The following KLF12 variants were observed in gnomAD, a reference collection of about 807,000 sequenced individuals.
KLF12 encodes the protein Krueppel-like factor 12.
A neutral mutation model predicts 37.8 loss-of-function variants in KLF12; 9 were observed. That is an observed-to-expected ratio of 0.24 (90% CI 0.14 to 0.42). The LOEUF is 0.42. Among genes scored for constraint, KLF12 ranks in the 10% least tolerant of loss-of-function variants. The pLI is 1.00. For synonymous variants in KLF12, 208 were observed against 202.1 expected (o/e 1.03, Z -0.25); for missense variants, 411 against 516.0 (o/e 0.80, Z 1.97).
the KLF12 span, among the ~76,000 whole-genome samples, chr13:74,179,143 G>T: frequency 6.6e-6 from 1 of 152,258 alleles, no homozygotes; most frequent in South Asian, 2.1e-4. Flanking sequence ...TACTGCTCAG[G>T]CTCCTCCTGC....
chr13:74,108,805 TG>T (rs1389465387), intron 1 of KLF12, among the ~76,000 whole-genome samples: 1 of 152,130 alleles, frequency 6.6e-6, no homozygotes, highest in Non-Finnish European at 1.5e-5. Context: ...GCCTTCAAAC[TG>T]AGTAGGCTAA....
the KLF12 span, among the ~76,000 whole-genome samples, chr13:74,237,457 A>T: frequency 7.3e-6 from 1 of 137,558 alleles, no homozygotes; most frequent in Non-Finnish European, 1.5e-5. Flanking sequence ...ACTTTAAAGT[A>T]GTTTTTGCCA....
intron 6 of KLF12, among the ~76,000 whole-genome samples, chr13:73,744,432 C>T (rs1273438642): frequency 6.9e-6 from 1 of 143,908 alleles, no homozygotes; most frequent in South Asian, 2.2e-4. Context: ...TGTAGGTCTC[C>T]TGCAGGAGGG....
At chr13:73,781,835 C>G (rs1277184107) in intron 5 of KLF12, among the ~76,000 whole-genome samples, 4 of 151,436 alleles carry the variant, frequency 2.6e-5, no homozygotes, top group Non-Finnish European at 4.4e-5. Context: ...AGAAATGCCA[C>G]AATTAAAAAA....
At chr13:73,733,962 T>TCAC (rs1877256364) in intron 6 of KLF12, among the ~76,000 whole-genome samples, 2 of 152,330 alleles carry the variant, frequency 1.3e-5, no homozygotes, top group Admixed American at 1.3e-4. Context: ...GTCTTTATCA[T>TCAC]CACCTATAAG....
At position 73,814,565 on chromosome 13, in the gene KLF12, T is replaced by C. The variant is rs146297746; in HGVS notation, c.671-1278A>G. On this transcript the variant is annotated intron_variant, in intron 4 of 7. Coordinates refer to ENST00000377669, the MANE Select transcript of KLF12 (RefSeq NM_007249.5). ...AGTGAACCTCGTGTGCACCCGTGTA[T>C]TTGATACACATCCTGACTTTAAATA... is the stretch of plus-strand genomic sequence containing the variant. Among the ~76,000 whole-genome samples, 141 of 152,356 alleles carry C rather than the reference T, an allele frequency of 9.3e-4. 1 individual carries two copies. Among genetic ancestry groups the C allele is most frequent in the African/African-American group, 3.2e-3 (133 of 41,576 alleles).
intron 1 of KLF12, among the ~76,000 whole-genome samples, chr13:74,099,303 G>A (rs1191131577): frequency 6.6e-6 from 1 of 152,020 alleles, no homozygotes; most frequent in African/African-American, 2.4e-5. Flanking sequence ...CTAAGATCAA[G>A]GCCACTGCAC....
chr13:73,921,586 C>A (rs1244171763), intron 3 of KLF12, among the ~76,000 whole-genome samples: 1 of 151,880 alleles, frequency 6.6e-6, no homozygotes, highest in East Asian at 1.9e-4. Flanking sequence ...TTGTAAGAAT[C>A]AAATGTAATG....
the KLF12 span, among the ~76,000 whole-genome samples, chr13:74,188,234 T>C: frequency 6.6e-6 from 1 of 152,302 alleles, no homozygotes; most frequent in Non-Finnish European, 1.5e-5. Context: ...TGCCATAATT[T>C]AGTAAGCTAA....
intron 6 of KLF12, among the ~76,000 whole-genome samples, chr13:73,738,679 G>A (rs1048840327): frequency 6.6e-6 from 1 of 152,096 alleles, no homozygotes; most frequent in Admixed American, 6.6e-5. Context: ...TAACATGAAT[G>A]GTAAGATTAC....
chr13:74,243,799 G>T, the KLF12 span, among the ~76,000 whole-genome samples: 2 of 152,096 alleles, frequency 1.3e-5, no homozygotes, highest in Non-Finnish European at 2.9e-5. Context: ...TGCAGTTAAG[G>T]GTTCCACAAT....
At chr13:73,846,646 T>C (rs560860108) in intron 3 of KLF12, among the ~76,000 whole-genome samples, 4 of 152,260 alleles carry the variant, frequency 2.6e-5, no homozygotes, top group African/African-American at 9.6e-5. Flanking sequence ...ATCAGTGCTC[T>C]ATGAAGGAGA....
At chr13:74,120,530 G>A (rs1877568103) in intron 1 of KLF12, among the ~76,000 whole-genome samples, 1 of 151,236 alleles carries the variant, frequency 6.6e-6, no homozygotes, top group South Asian at 2.1e-4. Flanking sequence ...AATTTATTTA[G>A]GTAAAATTAA....
At chr13:74,193,037 G>A in the KLF12 span, among the ~76,000 whole-genome samples, 7 of 149,074 alleles carry the variant, frequency 4.7e-5, no homozygotes, top group African/African-American at 1.2e-4. Context: ...GGAGTGCAGT[G>A]GTGTGATCTC....
At chr13:73,941,243 A>G (rs1890172461) in intron 3 of KLF12, among the ~76,000 whole-genome samples, 1 of 152,094 alleles carries the variant, frequency 6.6e-6, no homozygotes, top group South Asian at 2.1e-4. Flanking sequence ...CTGTTAACTA[A>G]CATGTCTCAT....
chr13:74,095,729 T>C (rs1875944474), intron 1 of KLF12, among the ~76,000 whole-genome samples: 1 of 152,236 alleles, frequency 6.6e-6, no homozygotes, highest in Non-Finnish European at 1.5e-5. Flanking sequence ...TGTGTGGCAT[T>C]ACATATTTCA....
chr13:74,091,692 G>T (rs1387583758), intron 1 of KLF12, among the ~76,000 whole-genome samples: 2 of 127,128 alleles, frequency 1.6e-5, no homozygotes, highest in African/African-American at 4.9e-5. Context: ...GAGCACAGGG[G>T]ATTTTAAGGC....
At chr13:74,217,248 G>GAAA in the KLF12 span, among the ~76,000 whole-genome samples, 1 of 151,296 alleles carries the variant, frequency 6.6e-6, no homozygotes, top group Non-Finnish European at 1.5e-5. Context: ...ATAGAAATAA[G>GAAA]AAACCCATTC....
intron 2 of KLF12, among the ~76,000 whole-genome samples, chr13:73,957,081 GAAAGGAAAGGAAAGGAAAGGAAAGA>G (rs1566481724): frequency 1.6e-5 from 2 of 122,698 alleles, no homozygotes; most frequent in Non-Finnish European, 3.5e-5. Flanking sequence ...GAAAGGAAAG[GAAAGGAAAGGAAAGGAAAGGAAAGA>G]AAGGAAAAGA....
Sources: gnomAD v4.1 joint callset for allele counts (sites outside exome capture counted in the v4.1 genomes callset) on GRCh38, gnomAD v4.1.1 for gene constraint, MANE v1.5 for transcripts, NCBI Gene and HGNC (gene_info 2026-07-23, HGNC 2026-07-21) for gene names.